LRP6: variants seen among roughly 807,000 people sequenced by gnomAD.
LRP6 encodes the protein LDL receptor related protein 6.
A neutral mutation model predicts 184.1 loss-of-function variants in LRP6; 43 were observed. The ratio of observed to expected loss-of-function variants is 0.23; its 90% confidence interval spans 0.18 to 0.30. LRP6 has a LOEUF of 0.30. LRP6 is among the 10% of genes least tolerant of loss of function. LRP6 has a pLI of 1.00. For missense variants in LRP6, 1,571 were observed against 2,005.3 expected (o/e 0.78, Z 4.14); for synonymous variants, 719 against 684.9 (o/e 1.05, Z -0.78).
chr12:12,155,611 A>T, intron 12 of LRP6: 1 of 848,824 alleles, frequency 1.2e-6, no homozygotes, highest in Non-Finnish European at 2.0e-6. Flanking sequence ...AAGTTATCAG[A>T]AAAAGAAGGA....
intron 3 of LRP6, among the ~76,000 whole-genome samples, chr12:12,192,066 G>T (rs1346513700): frequency 3.3e-5 from 5 of 151,812 alleles, no homozygotes; most frequent in Non-Finnish European, 7.4e-5. Context: ...CTTTTTAACA[G>T]ACATAAGATT....
chr12:12,258,879 G>T (rs1030650623), intron 1 of LRP6, among the ~76,000 whole-genome samples: 1 of 152,148 alleles, frequency 6.6e-6, no homozygotes, highest in South Asian at 2.1e-4. Context: ...CAATGACTAA[G>T]ACCATTAGAG....
intron 2 of LRP6, among the ~76,000 whole-genome samples, chr12:12,213,239 G>A (rs1864255926): frequency 6.6e-6 from 1 of 151,864 alleles, no homozygotes; most frequent in African/African-American, 2.4e-5. Flanking sequence ...CATCTTACAT[G>A]TATACTCTTA....
intron 7 of LRP6, among the ~76,000 whole-genome samples, chr12:12,173,767 T>C (rs1336184719): frequency 6.6e-6 from 1 of 152,140 alleles, no homozygotes; most frequent in Non-Finnish European, 1.5e-5. Flanking sequence ...ATTACAAGTG[T>C]GAGCCACTGT....
At chr12:12,130,735 G>T in intron 19 of LRP6, 48 bp downstream of exon 19, 3 of 1,184,742 alleles carry the variant, frequency 2.5e-6, no homozygotes, top group Non-Finnish European at 3.8e-6. Context: ...AAAAAAAATT[G>T]TTTAAATTCT....
At chr12:12,221,609 G>A (rs1173274543) in intron 2 of LRP6, among the ~76,000 whole-genome samples, 1 of 152,172 alleles carries the variant, frequency 6.6e-6, no homozygotes, top group Admixed American at 6.5e-5. Flanking sequence ...GTCTGGGCTC[G>A]AACTCAGGAA....
chr12:12,140,904 T>C (rs1301271464), intron 15 of LRP6, among the ~76,000 whole-genome samples: 1 of 151,234 alleles, frequency 6.6e-6, no homozygotes, highest in Non-Finnish European at 1.5e-5. Context: ...ACCTGGCCAA[T>C]TAAAAAAATA....
chr12:12,161,042 G>A (rs1392065878), intron 10 of LRP6, among the ~76,000 whole-genome samples: 1 of 152,186 alleles, frequency 6.6e-6, no homozygotes, highest in East Asian at 1.9e-4. Context: ...CACCACAAGA[G>A]CCAAAGAGAA....
chr12:12,227,673 T>G (rs1864666270), intron 2 of LRP6, among the ~76,000 whole-genome samples: 1 of 152,130 alleles, frequency 6.6e-6, no homozygotes, highest in Non-Finnish European at 1.5e-5. Flanking sequence ...CCTCCCAAAG[T>G]GCTGAGATTA....
At position 12,159,206 on chromosome 12, in the gene LRP6, T is replaced by C. The variant is rs374249582; in HGVS notation, c.2465-51A>G. ...GGGAGAAGCAGAGTGATGAAATATG[T>C]GAGAATACAAGTGTCTTGCTGGCAA... On this transcript the variant is annotated intron_variant, in intron 11 of 22. Coordinates refer to ENST00000261349, the MANE Select transcript of LRP6 (RefSeq NM_002336.3). The C allele has an allele frequency of 2.6e-5, 36 of 1,384,480 alleles. No homozygotes were observed. The East Asian group carries it at 2.7e-4, about 11-fold the overall frequency. 85.8% of individuals were successfully genotyped at this position (1,384,480 alleles called of 1,614,324 possible). A position where few individuals can be genotyped will look rare whatever the true frequency, so the allele number is the denominator to read the frequency against.
At position 12,135,671 on chromosome 12, in the gene LRP6, T is replaced by A. The variant is rs1942128760; in HGVS notation, c.3608-371A>T. On this transcript the variant is annotated intron_variant, in intron 16 of 22. Transcript: ENST00000261349. The stretch of plus-strand genomic sequence containing the variant: ...GCCATGCCTGGCCAATTTTTCCGTT[T>A]TTAGTAAAGATGGAATTTTACCATG... Among the ~76,000 whole-genome samples, 4 of 151,604 alleles carry A rather than the reference T, an allele frequency of 2.6e-5. No individual in the cohort carries two copies. The South Asian group carries it at 8.3e-4, about 32-fold the overall frequency.
chr12:12,193,480 C>G (rs776794993), intron 3 of LRP6, among the ~76,000 whole-genome samples: 5 of 150,020 alleles, frequency 3.3e-5, no homozygotes, highest in Non-Finnish European at 4.4e-5. Flanking sequence ...AATTGACAAC[C>G]CTTTAGTGCT....
At chr12:12,221,578 T>C (rs974372861) in intron 2 of LRP6, among the ~76,000 whole-genome samples, 1 of 152,236 alleles carries the variant, frequency 6.6e-6, no homozygotes, top group Non-Finnish European at 1.5e-5. Context: ...GGTTCTTTCA[T>C]CAGAGATTCT....
rs200627221 is a variant in LRP6 at position 12,162,281 on chromosome 12, C to T, written c.2191G>A (p.Val731Met). 5 of 1,614,048 alleles carry T rather than the reference C, an allele frequency of 3.1e-6. No individual in the cohort carries two copies. Among genetic ancestry groups the T allele is most frequent in the Non-Finnish European group, 4.2e-6 (5 of 1,180,034 alleles). The change falls in exon 10 of 23, where the codon GTG (valine) becomes ATG (methionine). Residue 731 changes from valine (V) to methionine (M), a missense_variant. Val to Met is a conservative substitution (Grantham distance 21, BLOSUM62 1). Around this residue, in one of 4 missense-constraint regions of LRP6, gnomAD observed 158 missense variants for 258.4 expected, o/e 0.61. Transcript: ENST00000261349. ...WADTGTNRIE[V>M]SKLDGQHRQV... ...CGGTGCTGCCCATCCAACTTTGACACCTCAATTCGATTCGTTCCTGTGTCT... is the reference window on the plus strand; with the variant it reads ...CGGTGCTGCCCATCCAACTTTGACATCTCAATTCGATTCGTTCCTGTGTCT...
At chr12:12,204,650 C>T (rs925160813) in intron 2 of LRP6, among the ~76,000 whole-genome samples, 1 of 151,984 alleles carries the variant, frequency 6.6e-6, no homozygotes, top group Non-Finnish European at 1.5e-5. Flanking sequence ...GGGCTGGGCA[C>T]GGTGGCTCAT....
At chr12:12,164,919 TAAAAAAAAAAAAAAAAAAAAAAAAAAA>T (rs58540250) in intron 8 of LRP6, among the ~76,000 whole-genome samples, 133 bp downstream of exon 8, 3 of 57,094 alleles carry the variant, frequency 5.3e-5, no homozygotes, top group Non-Finnish European at 1.1e-4. Flanking sequence ...CCCTTCTCAG[TAAAAAAAAAAAAAAAAAAAAAAAAAAA>T]AAAAAAAAAG....
intron 2 of LRP6, among the ~76,000 whole-genome samples, chr12:12,220,069 CT>C (rs1864447955): frequency 6.6e-6 from 1 of 152,084 alleles, no homozygotes. Flanking sequence ...GGCGGATCAC[CT>C]GAGGTCAGGA....
intron 19 of LRP6, among the ~76,000 whole-genome samples, chr12:12,129,853 AC>A (rs1387068985): frequency 1.3e-5 from 2 of 151,984 alleles, no homozygotes; most frequent in African/African-American, 4.8e-5. Flanking sequence ...CTGGCACAAC[AC>A]CCAATCTTAA....
At chr12:12,138,237 G>GA (rs1949874492) in intron 16 of LRP6, 88 bp downstream of exon 16, 1 of 1,268,150 alleles carries the variant, frequency 7.9e-7, no homozygotes, top group Non-Finnish European at 1.1e-6. Flanking sequence ...AGTCTTCAAG[G>GA]AAACAGAGTT....
Sources: allele counts gnomAD v4.1 joint callset (sites outside exome capture counted in the v4.1 genomes callset), GRCh38; gene constraint gnomAD v4.1.1; regional missense constraint gnomAD v4.1.1; transcripts MANE v1.5; gene names NCBI Gene and HGNC (gene_info 2026-07-23, HGNC 2026-07-21).